NRG1: variants seen among roughly 807,000 people sequenced by gnomAD.
The protein encoded by NRG1 is pro-neuregulin-1, membrane-bound isoform.
A neutral mutation model predicts 63.8 loss-of-function variants in NRG1; 18 were observed. That is an observed-to-expected ratio of 0.28 (90% CI 0.19 to 0.42). NRG1 has a LOEUF of 0.42. Ranked by LOEUF, NRG1 falls within the 10% of genes least tolerant of loss-of-function variation. The pLI, the probability that NRG1 is intolerant of heterozygous loss-of-function variation, is 1.00. For synonymous variants in NRG1, 302 were observed against 301.3 expected (o/e 1.00, Z -0.02); for missense variants, 762 against 814.7 (o/e 0.94, Z 0.79).
intron 1 of NRG1, among the ~76,000 whole-genome samples, chr8:31,719,936 G>A (rs1479492524): frequency 6.6e-6 from 1 of 151,992 alleles, no homozygotes; most frequent in Admixed American, 6.6e-5. Context: ...TTTAGACATA[G>A]CTTTTCTTAC....
intron 5 of NRG1, among the ~76,000 whole-genome samples, chr8:32,670,176 T>C (rs757551202): frequency 3.9e-5 from 6 of 152,232 alleles, no homozygotes; most frequent in Non-Finnish European, 8.8e-5. Context: ...TGGCTAAACC[T>C]GTTATGCTAC....
intron 1 of NRG1, among the ~76,000 whole-genome samples, chr8:32,459,705 C>CCCTGT (rs774665889): frequency 2.0e-5 from 3 of 152,140 alleles, no homozygotes; most frequent in Non-Finnish European, 4.4e-5. Flanking sequence ...AAATGAAACT[C>CCCTGT]CCTGTCCTGG....
chr8:31,679,932 G>T (rs1808142718), intron 1 of NRG1, among the ~76,000 whole-genome samples: 1 of 151,862 alleles, frequency 6.6e-6, no homozygotes, highest in South Asian at 2.1e-4. Context: ...TTTGGAAAAG[G>T]TAACAAAATA....
rs73586568 is a variant in NRG1, at chr8:31,983,419, C to T, written c.37+343988C>T. On this transcript the variant is annotated intron_variant, in intron 1 of 10. Coordinates refer to the NRG1 transcript ENST00000519301. ...TTGAGACAGGATCTCACTCTGTTGC[C>T]CAGACTAGAGTGCAGTGGTGTGTGA... Among the ~76,000 whole-genome samples, 690 of 152,078 alleles carry T rather than the reference C, an allele frequency of 4.5e-3. 2 individuals are homozygous for T. The highest frequency in any genetic ancestry group is 0.016 in the African/African-American group (663 of 41,514).
intron 5 of NRG1, among the ~76,000 whole-genome samples, chr8:32,633,447 T>C (rs1385142791): frequency 2.0e-5 from 3 of 152,184 alleles, no homozygotes; most frequent in African/African-American, 4.8e-5. Flanking sequence ...TTCTGCATTC[T>C]TCTTCTATCA....
chr8:32,760,194 C>A lies in NRG1; in HGVS notation c.1053-6C>A, dbSNP rs1830438778. On this transcript the variant is annotated splice_region_variant and splice_polypyrimidine_tract_variant and intron_variant, in intron 10 of 11. Transcript: ENST00000356819. Reference sequence around the variant, plus strand: ...TATCTGATTGTCTCTCCCATTTCCTCCGCAGCTGGAGCAACGGACACACTG... The same window carrying A: ...TATCTGATTGTCTCTCCCATTTCCTACGCAGCTGGAGCAACGGACACACTG... 6.2e-7 allele frequency: 1 copy of A among 1,613,826 alleles called. No individual in the cohort carries two copies.
At chr8:32,482,097 G>A (rs558414664) in intron 1 of NRG1, among the ~76,000 whole-genome samples, 1 of 152,066 alleles carries the variant, frequency 6.6e-6, no homozygotes, top group Non-Finnish European at 1.5e-5. Context: ...ACTGGGAACA[G>A]AACCGTGAAC....
intron 1 of NRG1, among the ~76,000 whole-genome samples, chr8:32,166,426 A>C (rs1839409676): frequency 6.6e-6 from 1 of 152,096 alleles, no homozygotes; most frequent in East Asian, 1.9e-4. Flanking sequence ...TGTTTTTGTA[A>C]TATTATCCTT....
chr8:32,064,397 C>T (rs1308233014), intron 1 of NRG1, among the ~76,000 whole-genome samples: 2 of 152,058 alleles, frequency 1.3e-5, no homozygotes, highest in Non-Finnish European at 2.9e-5. Context: ...CCATTTGTTC[C>T]CTAGACTGTG....
At chr8:32,236,905 A>T (rs545705391) in intron 1 of NRG1, among the ~76,000 whole-genome samples, 1 of 152,274 alleles carries the variant, frequency 6.6e-6, no homozygotes, top group South Asian at 2.1e-4. Context: ...GCTGTTTTTC[A>T]TGTACAGCTG....
intron 1 of NRG1, among the ~76,000 whole-genome samples, chr8:32,432,262 A>G (rs567530723): frequency 6.6e-6 from 1 of 152,336 alleles, no homozygotes; most frequent in Non-Finnish European, 1.5e-5. Flanking sequence ...AATAGAATAT[A>G]TTGAAAGCTA....
intron 1 of NRG1, among the ~76,000 whole-genome samples, chr8:31,806,050 A>G (rs1450898442): frequency 6.6e-6 from 1 of 152,154 alleles, no homozygotes; most frequent in East Asian, 1.9e-4. Flanking sequence ...TTTAAAAATT[A>G]TGGATAAATT....
intron 1 of NRG1, among the ~76,000 whole-genome samples, chr8:32,486,062 G>A (rs540665043): frequency 6.6e-6 from 1 of 151,662 alleles, no homozygotes; most frequent in African/African-American, 2.4e-5. Context: ...CAAGTAGCTG[G>A]GATTACAGGC....
chr8:32,664,783 T>A (rs1803726760), intron 5 of NRG1, among the ~76,000 whole-genome samples: 1 of 152,196 alleles, frequency 6.6e-6, no homozygotes, highest in African/African-American at 2.4e-5. Context: ...AACGATTCCA[T>A]GCACATTAGT....
intron 1 of NRG1, among the ~76,000 whole-genome samples, chr8:32,401,569 T>A (rs4733119): frequency 0.78 from 117,984 of 152,018 alleles, 46,577 homozygotes; most frequent in Middle Eastern, 0.87. Flanking sequence ...TAAAAGGGAG[T>A]TCATGTCCTT....
intron 5 of NRG1, chr8:32,648,177 C>A (rs1461812482): frequency 1.9e-6 from 3 of 1,614,078 alleles, no homozygotes; most frequent in Admixed American, 3.3e-5. Flanking sequence ...AAGTGAGGTT[C>A]AAGTTACAGT....
chr8:31,943,861 C>T (rs1218075962), intron 1 of NRG1, among the ~76,000 whole-genome samples: 3 of 152,182 alleles, frequency 2.0e-5, no homozygotes, highest in African/African-American at 4.8e-5. Flanking sequence ...ACAACAAGTT[C>T]GCATACTGTG....
intron 1 of NRG1, among the ~76,000 whole-genome samples, chr8:32,475,358 G>A (rs1824384064): frequency 6.6e-6 from 1 of 150,648 alleles, no homozygotes; most frequent in Admixed American, 6.6e-5. Context: ...TCAGCTACTT[G>A]GGAGGCTGAG....
At chr8:31,834,513 C>T (rs1193311714) in intron 1 of NRG1, among the ~76,000 whole-genome samples, 4 of 152,094 alleles carry the variant, frequency 2.6e-5, no homozygotes, top group African/African-American at 9.7e-5. Context: ...TCAAGACCAG[C>T]CTGGGCATCA....
Sources: allele counts gnomAD v4.1 joint callset (sites outside exome capture counted in the v4.1 genomes callset), GRCh38; gene constraint gnomAD v4.1.1; transcripts MANE v1.5; gene names NCBI Gene and HGNC (gene_info 2026-07-23, HGNC 2026-07-21).